Variants in RIC1 observed in about 807,000 individuals in gnomAD.
The protein encoded by RIC1 is RIC1 partner of RAB6A GEF complex, also known as guanine nucleotide exchange factor subunit RIC1.
Under a neutral mutation model 169.0 loss-of-function variants are expected in RIC1, and 88 were observed. The ratio of observed to expected loss-of-function variants is 0.52; its 90% confidence interval spans 0.44 to 0.62. The LOEUF (loss-of-function observed/expected upper bound fraction) is 0.62, where lower values mean the gene tolerates loss of function less well. Ranked by LOEUF, RIC1 falls within the 20% of genes least tolerant of loss-of-function variation. The pLI, the probability that RIC1 is intolerant of heterozygous loss-of-function variation, is 0.00. For synonymous variants in RIC1, 790 were observed against 601.5 expected (o/e 1.31, Z -4.59); for missense variants, 1,877 against 1,725.5 (o/e 1.09, Z -1.56).
chr9:5,683,355 C>T (rs1371604060), intron 2 of RIC1, among the ~76,000 whole-genome samples: 1 of 152,102 alleles, frequency 6.6e-6, no homozygotes, highest in Non-Finnish European at 1.5e-5. Context: ...TGTTAGTTTT[C>T]CCTCTAACAG....
At chr9:5,693,487 T>G (rs556074573) in intron 3 of RIC1, among the ~76,000 whole-genome samples, 1 of 152,276 alleles carries the variant, frequency 6.6e-6, no homozygotes, top group African/African-American at 2.4e-5. Flanking sequence ...AGATCATTTA[T>G]TCTTTGGTGA....
intron 3 of RIC1, among the ~76,000 whole-genome samples, chr9:5,707,523 C>T (rs1822662422): frequency 6.6e-6 from 1 of 151,948 alleles, no homozygotes; most frequent in Non-Finnish European, 1.5e-5. Context: ...TGTGTTCTTT[C>T]TTCATATATT....
chr9:5,683,450 G>A (rs1057399792), intron 2 of RIC1, among the ~76,000 whole-genome samples: 9 of 152,212 alleles, frequency 5.9e-5, no homozygotes, highest in African/African-American at 1.9e-4. Context: ...AGCAGTGGCT[G>A]CAGAACAGTG....
At chr9:5,629,520 A>T in intron 1 of RIC1, 67 bp downstream of exon 1, 1 of 1,467,414 alleles carries the variant, frequency 6.8e-7, no homozygotes, top group South Asian at 1.3e-5. Flanking sequence ...CCCACCCCCA[A>T]CTTCCACCCA....
intron 2 of RIC1, among the ~76,000 whole-genome samples, chr9:5,663,176 G>A (rs1450428883): frequency 6.6e-6 from 1 of 152,074 alleles, no homozygotes; most frequent in Non-Finnish European, 1.5e-5. Flanking sequence ...GAATTTTTTT[G>A]AGTGTTGTGG....
At chr9:5,666,742 G>A (rs976351584) in intron 2 of RIC1, among the ~76,000 whole-genome samples, 2 of 152,046 alleles carry the variant, frequency 1.3e-5, no homozygotes, top group African/African-American at 2.4e-5. Context: ...ACTTTGTCAC[G>A]ATGTATGAAG....
intron 23 of RIC1, among the ~76,000 whole-genome samples, chr9:5,770,776 G>C (rs891052395): frequency 1.3e-5 from 2 of 151,804 alleles, no homozygotes; most frequent in Non-Finnish European, 2.9e-5. Context: ...CCTTGATTTT[G>C]CCTCTTGGCC....
intron 3 of RIC1, among the ~76,000 whole-genome samples, chr9:5,699,941 CACA>C (rs1052976247): frequency 5.3e-5 from 8 of 151,860 alleles, no homozygotes; most frequent in African/African-American, 1.5e-4. Flanking sequence ...CTTTAAGAAC[CACA>C]ACAACTTTGA....
At chr9:5,733,636 G>T (rs201799235) in intron 7 of RIC1, among the ~76,000 whole-genome samples, 5 of 151,926 alleles carry the variant, frequency 3.3e-5, no homozygotes, top group African/African-American at 1.2e-4. Context: ...TTGTAAAGTA[G>T]GGAATCCTCA....
chr9:5,698,606 C>T (rs1032468255), intron 3 of RIC1, among the ~76,000 whole-genome samples: 6 of 152,084 alleles, frequency 3.9e-5, no homozygotes, highest in Non-Finnish European at 5.9e-5. Flanking sequence ...AGATAAATAT[C>T]CAGCAGTTTA....
intron 1 of RIC1, among the ~76,000 whole-genome samples, chr9:5,635,793 C>T (rs887450100): frequency 6.6e-6 from 1 of 152,152 alleles, no homozygotes; most frequent in Admixed American, 6.5e-5. Context: ...TTTGACTGTT[C>T]CTTCTACACG....
chr9:5,681,806 G>C lies in RIC1; in HGVS notation c.253-8153G>C, dbSNP rs577915137. ...TCTCTTTGTAGGTCAGCAAGGACTT[G>C]CTTTATGAATCTAGGTGCTCCTGTA... On this transcript the variant is annotated intron_variant, in intron 2 of 25. Coordinates refer to ENST00000414202, the MANE Select transcript of RIC1 (RefSeq NM_020829.4). Among the ~76,000 whole-genome samples, 14 of 152,286 alleles carry C rather than the reference G, an allele frequency of 9.2e-5. No homozygotes were observed. In the South Asian group the frequency reaches 2.9e-3, roughly 32 times the overall value.
In RIC1 at chr9:5,756,222, A is replaced by G; in HGVS notation, c.1703A>G (p.Tyr568Cys). ...INDRQEELRV[Y>C]LRTSNLDNAF... ...TTTTGTTTTCTTCAGCTTAGAGTAT[A>G]CTTGCGAACATCAAATCTGGACAAT... Residue 568 changes from tyrosine (Y) to cysteine (C), a missense_variant, in exon 16 of 26, where the codon TAC (tyrosine) becomes TGC (cysteine). By Grantham distance (194) the Tyr-to-Cys change is radical. This residue lies in a region of RIC1 where 1,104 missense variants were observed against 992.0 expected (regional missense o/e 1.11). Coordinates refer to ENST00000414202, the MANE Select transcript of RIC1 (RefSeq NM_020829.4). 1.3e-6 allele frequency: 2 copies of G among 1,569,904 alleles called. No homozygotes were observed. Among genetic ancestry groups the G allele is most frequent in the African/African-American group, 2.7e-5 (2 of 73,780 alleles).
In RIC1 at chr9:5,642,521, T is replaced by C. The variant is rs140163316; in HGVS notation, c.144+13068T>C. On this transcript the variant is annotated intron_variant, in intron 1 of 25. Transcript: ENST00000414202. ...ACCCCAGGCCAGTCCAGAAATGCTGTCTGGAAGCCAGGGATTAGAGTCAAA... is the reference window on the plus strand; with the variant it reads ...ACCCCAGGCCAGTCCAGAAATGCTGCCTGGAAGCCAGGGATTAGAGTCAAA... Among the ~76,000 whole-genome samples, 78 of 143,964 alleles carry C rather than the reference T, an allele frequency of 5.4e-4. 3 individuals are homozygous for C. The East Asian group carries it at 0.014, about 26-fold the overall frequency. The allele number at this position is 143,964 out of a possible 152,430, so 94.4% of individuals were successfully genotyped here.
chr9:5,771,924 A>C (rs1221305577), intron 23 of RIC1, among the ~76,000 whole-genome samples: 1 of 152,120 alleles, frequency 6.6e-6, no homozygotes, highest in Non-Finnish European at 1.5e-5. Context: ...TAAATATTTC[A>C]GTTTTTTTCC....
chr9:5,695,791 GA>G (rs1293793537), intron 3 of RIC1, among the ~76,000 whole-genome samples: 3 of 151,986 alleles, frequency 2.0e-5, no homozygotes, highest in African/African-American at 7.2e-5. Context: ...GGATGGTCTT[GA>G]ACTCCTGACC....
At chr9:5,648,345 G>C (rs954943825) in intron 1 of RIC1, among the ~76,000 whole-genome samples, 3 of 152,026 alleles carry the variant, frequency 2.0e-5, no homozygotes, top group African/African-American at 7.2e-5. Flanking sequence ...TCTATTCATA[G>C]TTTTTTGAGT....
Position 5,629,191 on chromosome 9 carries a change from C to A in RIC1, c.-119C>A. ...CGGCCAGGCCAGCGGGCAGATGCCCCGAGCTGCCGCCGCCGCCGCCGCCGA... is the reference window on the plus strand; with the variant it reads ...CGGCCAGGCCAGCGGGCAGATGCCCAGAGCTGCCGCCGCCGCCGCCGCCGA... On this transcript the variant is annotated 5_prime_UTR_variant, in exon 1 of 26. Transcript: ENST00000414202. 9.3e-7 allele frequency: 1 copy of A among 1,077,388 alleles called. No individual in the cohort carries two copies. Among genetic ancestry groups the A allele is most frequent in the South Asian group, 2.8e-5 (1 of 35,092 alleles). The allele number at this position is 1,077,388 out of a possible 1,614,324, so 66.7% of individuals were successfully genotyped here. A position where few individuals can be genotyped will look rare whatever the true frequency, so the allele number is the denominator to read the frequency against.
chr9:5,773,894 C>A, intron 25 of RIC1, 64 bp from the exon 26 acceptor site: 1 of 1,410,684 alleles, frequency 7.1e-7, no homozygotes, highest in Admixed American at 2.2e-5. Context: ...GAAGTTCACC[C>A]GTAATGTTCT....
Sources: gnomAD v4.1 joint callset for allele counts (sites outside exome capture counted in the v4.1 genomes callset) on GRCh38, gnomAD v4.1.1 for gene constraint, gnomAD v4.1.1 regional missense constraint, MANE v1.5 for transcripts, NCBI Gene and HGNC (gene_info 2026-07-23, HGNC 2026-07-21) for gene names.